GPATCH3: variants seen among roughly 807,000 people sequenced by gnomAD.
GPATCH3 encodes G-patch domain containing 3.
A neutral mutation model predicts 53.2 loss-of-function variants in GPATCH3; 45 were observed. That is an observed-to-expected ratio of 0.85 (90% CI 0.67 to 1.08). The LOEUF is 1.08. GPATCH3 is among the 50% of genes least tolerant of loss of function. GPATCH3 has a pLI of 0.00. For missense variants in GPATCH3, 680 were observed against 687.2 expected (o/e 0.99, Z 0.12); for synonymous variants, 280 against 270.6 (o/e 1.03, Z -0.34).
At chr1:26,896,533 TAA>T (rs35265758) in intron 2 of GPATCH3, among the ~76,000 whole-genome samples, 17 of 104,656 alleles carry the variant, frequency 1.6e-4, no homozygotes, top group East Asian at 2.8e-4. Context: ...CTACTAAAAA[TAA>T]AAAAAAAAAA....
At chr1:26,896,805 G>A (rs979535991) in intron 2 of GPATCH3, among the ~76,000 whole-genome samples, 2 of 151,902 alleles carry the variant, frequency 1.3e-5, no homozygotes, top group Admixed American at 6.6e-5. Context: ...GGCGGGTCAC[G>A]AGGTCAGGAG....
chr1:26,894,130 A>C (rs1396568020), intron 3 of GPATCH3, 106 bp downstream of exon 3: 1 of 1,103,354 alleles, frequency 9.1e-7, no homozygotes, highest in Non-Finnish European at 1.3e-6. Flanking sequence ...CCTGTTCCCT[A>C]GCCTTTTGTT....
chr1:26,892,777 C>A lies in GPATCH3; in HGVS notation c.1126G>T (p.Asp376Tyr). 1.9e-6 allele frequency: 3 copies of A among 1,614,038 alleles called. No individual in the cohort carries two copies. Among genetic ancestry groups the A allele is most frequent in the Non-Finnish European group, 2.5e-6 (3 of 1,179,908 alleles). Residue 376 changes from aspartate (D) to tyrosine (Y), a missense_variant, in exon 5 of 7, where the codon GAT becomes TAT. Coordinates refer to ENST00000361720, the MANE Select transcript of GPATCH3 (RefSeq NM_022078.3). The part of the protein sequence containing the change: ...VYYDRDGGDK[D>Y]ARDSVQMRLE... Reference sequence around the variant, plus strand: ...CGCATTTGGACAGAGTCTCGGGCATCCTTGTCTCCACCATCTGAGGAAACA... The same window carrying A: ...CGCATTTGGACAGAGTCTCGGGCATACTTGTCTCCACCATCTGAGGAAACA...
chr1:26,898,645 T>A lies in GPATCH3; in HGVS notation c.452-920A>T, dbSNP rs554807590. On this transcript the variant is annotated intron_variant, in intron 1 of 6. Transcript: ENST00000361720. ...ATGTGTTCCAGCCACACCAAACAATTTTTCTCCTAATTTCTTTTTTTTCTT... is the reference window on the plus strand; with the variant it reads ...ATGTGTTCCAGCCACACCAAACAATATTTCTCCTAATTTCTTTTTTTTCTT... Among the ~76,000 whole-genome samples the A allele has an allele frequency of 2.4e-4, 37 of 151,862 alleles. No individual in the cohort carries two copies. In the Middle Eastern group the frequency reaches 0.01, roughly 42 times the overall value.
In GPATCH3 at chr1:26,897,581, A is replaced by G. The variant is rs776091926; in HGVS notation, c.596T>C (p.Leu199Pro). The change falls in exon 2 of 7, where the codon CTG becomes CCG. Residue 199 changes from leucine (L) to proline (P), a missense_variant. Physicochemically the swap from Leu to Pro is moderately conservative, Grantham distance 98. Transcript: ENST00000361720. ...CCGGATCAACTCCAAAAAGACCCGC[A>G]GGGGAGTCCCCACATTCCCTCTGGG... Reference protein sequence around the residue: ...LMPRGNVGTPLRVFLELIRAC... With the variant: ...LMPRGNVGTPPRVFLELIRAC... 2 of 1,614,206 alleles carry G rather than the reference A, an allele frequency of 1.2e-6. No individual in the cohort carries two copies. Among genetic ancestry groups the G allele is most frequent in the South Asian group, 2.2e-5 (2 of 91,084 alleles).
chr1:26,896,019 A>G (rs891436420), intron 2 of GPATCH3, among the ~76,000 whole-genome samples: 1 of 152,188 alleles, frequency 6.6e-6, no homozygotes, highest in African/African-American at 2.4e-5. Flanking sequence ...ACCTTACTTG[A>G]TTTTATGGAT....
rs199874888 is a variant in GPATCH3, at chr1:26,897,389, G to T, written c.788C>A (p.Thr263Asn). 1.2e-5 allele frequency: 20 copies of T among 1,614,106 alleles called. No individual in the cohort carries two copies. The African/African-American group carries it at 2.4e-4, about 19-fold the overall frequency. The change falls in exon 2 of 7, where the codon ACC becomes AAC. Residue 263 changes from threonine (T) to asparagine (N), a missense_variant. Physicochemically the swap from Thr to Asn is moderately conservative, Grantham distance 65. Transcript: ENST00000361720. The stretch of plus-strand genomic sequence containing the variant: ...GCTGGCTGGTATATCTGCCAGGTAG[G>T]TTCCTTGGGGTATTTCTTCACCCTC... ...TAEGEEIPQGTYLADIPASPC... is the reference protein window; with the variant it reads ...TAEGEEIPQGNYLADIPASPC...
intron 4 of GPATCH3, 46 bp downstream of exon 4, chr1:26,893,343 C>T (rs753993896): frequency 1.4e-6 from 2 of 1,467,154 alleles, no homozygotes; most frequent in East Asian, 4.5e-5. Context: ...ACTGCAAGGC[C>T]AGGGCACCTG....
At chr1:26,899,587 C>T (rs2081965634) in intron 1 of GPATCH3, among the ~76,000 whole-genome samples, 1 of 152,160 alleles carries the variant, frequency 6.6e-6, no homozygotes, top group Admixed American at 6.5e-5. Flanking sequence ...AACTGATTTC[C>T]CATGAAAGTG....
chr1:26,893,380 G>T lies in GPATCH3; in HGVS notation c.1111+9C>A, dbSNP rs2081936869. 1 of 1,609,724 alleles carries T rather than the reference G, an allele frequency of 6.2e-7. No homozygotes were observed. Among genetic ancestry groups the T allele is most frequent in the Non-Finnish European group, 8.5e-7 (1 of 1,176,022 alleles). Reference sequence around the variant, plus strand: ...TTCACCTCCAGTATTGCCACTCCTTGCCCAGTACCTCTGTCATAGTACACA... The same window carrying T: ...TTCACCTCCAGTATTGCCACTCCTTTCCCAGTACCTCTGTCATAGTACACA... On this transcript the variant is annotated intron_variant, in intron 4 of 6. Transcript: ENST00000361720.
chr1:26,897,719 C>G lies in GPATCH3; in HGVS notation c.458G>C (p.Gly153Ala). The stretch of plus-strand genomic sequence containing the variant: ...CTTCCGGGTCTTGAAGGGAAAGGAG[C>G]CCAGACCTTGGAAAGGAGGGAGAAT... ...LRLPTEASGL[G>A]SFPFKTRKEL... Residue 153 changes from glycine to alanine, a missense_variant, in exon 2 of 7, where the codon GGC becomes GCC. By Grantham distance (60) the Gly-to-Ala change is moderately conservative. Coordinates refer to ENST00000361720, the MANE Select transcript of GPATCH3 (RefSeq NM_022078.3). 1 of 1,603,366 alleles carries G rather than the reference C, an allele frequency of 6.2e-7. No individual in the cohort carries two copies. The highest frequency in any genetic ancestry group is 8.5e-7 in the Non-Finnish European group (1 of 1,175,026).
Position 26,900,050 on chromosome 1 carries a change from C to A in GPATCH3, c.393G>T (p.Gly131=). 6.2e-7 allele frequency: 1 copy of A among 1,614,162 alleles called. No homozygotes were observed. The change falls in exon 1 of 7, where the codon GGG becomes GGT. Residue 131 remains glycine, a synonymous_variant. Coordinates refer to ENST00000361720, the MANE Select transcript of GPATCH3 (RefSeq NM_022078.3). ...YSGRRWLDSH[G]TWLPGRCLIR... is the part of the protein sequence containing the mutation. ...TGAGACAGCGACCCGGTAGCCAAGTCCCGTGAGAATCCAGCCACCGGCGGC... is the reference window on the plus strand; with the variant it reads ...TGAGACAGCGACCCGGTAGCCAAGTACCGTGAGAATCCAGCCACCGGCGGC...
At chr1:26,898,125 CCT>C (rs2081959126) in intron 1 of GPATCH3, among the ~76,000 whole-genome samples, 1 of 151,960 alleles carries the variant, frequency 6.6e-6, no homozygotes, top group Non-Finnish European at 1.5e-5. Context: ...GACAGAGTAC[CCT>C]GTCTCAAAAA....
Position 26,897,422 on chromosome 1 carries a change from T to C in GPATCH3, c.755A>G (p.Tyr252Cys). ...SETVEQEELV[Y>C]TAEGEEIPQG... ...GGGTATTTCTTCACCCTCTGCTGTA[T>C]ACACAAGCTCTTCCTGCTCCACAGT... The change falls in exon 2 of 7, where the codon TAT becomes TGT. Residue 252 changes from tyrosine (Y) to cysteine (C), a missense_variant. By Grantham distance (194) the Tyr-to-Cys change is radical. Coordinates refer to ENST00000361720, the MANE Select transcript of GPATCH3 (RefSeq NM_022078.3). 1 of 1,614,186 alleles carries C rather than the reference T, an allele frequency of 6.2e-7. No individual in the cohort carries two copies. Among genetic ancestry groups the C allele is most frequent in the South Asian group, 1.1e-5 (1 of 91,082 alleles).
At position 26,890,984 on chromosome 1, in the gene GPATCH3, G is replaced by A; in HGVS notation, c.*26C>T. The A allele has an allele frequency of 6.3e-7, 1 of 1,589,074 alleles. No homozygotes were observed. The highest frequency in any genetic ancestry group is 8.6e-7 in the Non-Finnish European group (1 of 1,157,556). ...CAGGGCAGAGGGTTTTCATCATGTA[G>A]CTATGAAAGGAAGCCCCCAACCCGG... On this transcript the variant is annotated 3_prime_UTR_variant, in exon 7 of 7. Coordinates refer to ENST00000361720, the MANE Select transcript of GPATCH3 (RefSeq NM_022078.3).
In GPATCH3 at chr1:26,900,403, A is replaced by G. The variant is rs774110351; in HGVS notation, c.40T>C (p.Tyr14His). The G allele has an allele frequency of 1.4e-5, 22 of 1,612,332 alleles. No individual in the cohort carries two copies. ...PGEAEEEATV[Y>H]LVVSGIPSVL... ...GAGGGGATACCGCTCACTACCAGGT[A>G]AACTGTCGCCTCCTCCTCCGCCTCG... Residue 14 changes from tyrosine to histidine, a missense_variant, in exon 1 of 7, where the codon TAC (tyrosine) becomes CAC (histidine). Tyr to His is a moderately conservative substitution (Grantham distance 83). Transcript: ENST00000361720.
In GPATCH3 at chr1:26,893,382, C is replaced by T; in HGVS notation, c.1111+7G>A. 6.2e-7 allele frequency: 1 copy of T among 1,611,104 alleles called. No homozygotes were observed. Among genetic ancestry groups the T allele is most frequent in the Non-Finnish European group, 8.5e-7 (1 of 1,177,250 alleles). On this transcript the variant is annotated splice_region_variant and intron_variant, in intron 4 of 6. Coordinates refer to ENST00000361720, the MANE Select transcript of GPATCH3 (RefSeq NM_022078.3). ...CACCTCCAGTATTGCCACTCCTTGC[C>T]CAGTACCTCTGTCATAGTACACACT...
chr1:26,894,744 C>A (rs541708172), intron 2 of GPATCH3, among the ~76,000 whole-genome samples: 1 of 152,264 alleles, frequency 6.6e-6, no homozygotes, highest in Non-Finnish European at 1.5e-5. Context: ...TGAAGCCCCC[C>A]ACATTTAGGC....
At chr1:26,894,885 A>G (rs1228226867) in intron 2 of GPATCH3, among the ~76,000 whole-genome samples, 1 of 152,090 alleles carries the variant, frequency 6.6e-6, no homozygotes, top group African/African-American at 2.4e-5. Flanking sequence ...GGCCCTTCCC[A>G]TAGCTTAGCT....
Sources: gnomAD v4.1 joint callset for allele counts (sites outside exome capture counted in the v4.1 genomes callset) on GRCh38, gnomAD v4.1.1 for gene constraint, MANE v1.5 for transcripts, NCBI Gene and HGNC (gene_info 2026-07-23, HGNC 2026-07-21) for gene names.